Variants in SCAPER observed in about 807,000 individuals in gnomAD.
The protein encoded by SCAPER is S phase cyclin A-associated protein in the endoplasmic reticulum.
A neutral mutation model predicts 182.2 loss-of-function variants in SCAPER; 98 were observed. That is an observed-to-expected ratio of 0.54 (90% confidence interval 0.46 to 0.64). SCAPER has a LOEUF of 0.64. SCAPER is among the 30% of genes least tolerant of loss of function. The pLI is 0.00. For synonymous variants in SCAPER, 605 were observed against 564.6 expected (o/e 1.07, Z -1.01); for missense variants, 1,432 against 1,690.0 (o/e 0.85, Z 2.68).
At chr15:76,615,745 G>A (rs1351185069) in intron 22 of SCAPER, among the ~76,000 whole-genome samples, 2 of 151,238 alleles carry the variant, frequency 1.3e-5, no homozygotes, top group African/African-American at 4.9e-5. Context: ...ACTTGAACCC[G>A]GGAGCTGGAG....
At chr15:76,595,870 T>A (rs2049456548) in intron 22 of SCAPER, among the ~76,000 whole-genome samples, 1 of 121,682 alleles carries the variant, frequency 8.2e-6, no homozygotes, top group African/African-American at 2.5e-5. Context: ...AGGAAAGATC[T>A]AAAATCAACA....
intron 25 of SCAPER, 102 bp from the exon 26 acceptor site, chr15:76,434,412 C>A (rs1421679733): frequency 7.0e-6 from 6 of 856,402 alleles, no homozygotes; most frequent in Non-Finnish European, 8.9e-6. Flanking sequence ...TTTTGACAAT[C>A]TAAAATGTTC....
At chr15:76,768,616 C>A (rs1346152668) in intron 10 of SCAPER, among the ~76,000 whole-genome samples, 3 of 151,818 alleles carry the variant, frequency 2.0e-5, no homozygotes, top group African/African-American at 7.3e-5. Flanking sequence ...GGAGAATATA[C>A]TAAAAAACAA....
chr15:76,636,519 A>G (rs1249515073), intron 21 of SCAPER, among the ~76,000 whole-genome samples: 1 of 152,132 alleles, frequency 6.6e-6, no homozygotes, highest in East Asian at 1.9e-4. Context: ...TGAGTTAGGT[A>G]AAAATAAAAA....
chr15:76,452,953 A>G (rs1363764496), intron 25 of SCAPER, among the ~76,000 whole-genome samples: 2 of 152,014 alleles, frequency 1.3e-5, no homozygotes, highest in Non-Finnish European at 2.9e-5. Flanking sequence ...ACTTCAGCCC[A>G]GTGAGTGGCT....
At chr15:76,697,427 A>G (rs939467596) in intron 20 of SCAPER, among the ~76,000 whole-genome samples, 8 of 152,202 alleles carry the variant, frequency 5.3e-5, no homozygotes, top group African/African-American at 1.4e-4. Flanking sequence ...ATGGCTAAAC[A>G]TAAGACTGCT....
At chr15:76,844,355 C>T (rs766960209) in intron 4 of SCAPER, among the ~76,000 whole-genome samples, 21 of 150,628 alleles carry the variant, frequency 1.4e-4, no homozygotes, top group African/African-American at 2.2e-4. Context: ...AGAGGCTCAT[C>T]GGCTCCCCTG....
At chr15:76,575,247 G>T (rs543794809) in intron 22 of SCAPER, among the ~76,000 whole-genome samples, 1 of 152,116 alleles carries the variant, frequency 6.6e-6, no homozygotes, top group South Asian at 2.1e-4. Context: ...GTGGGGGTGT[G>T]GGGGGAGTCA....
intron 20 of SCAPER, among the ~76,000 whole-genome samples, chr15:76,691,755 T>C (rs1490913420): frequency 2.6e-5 from 4 of 152,154 alleles, no homozygotes; most frequent in Admixed American, 6.5e-5. Flanking sequence ...TCTATTGTTA[T>C]TCTATGAATA....
intron 1 of SCAPER, among the ~76,000 whole-genome samples, chr15:76,884,848 GAAGA>G (rs1022234936): frequency 9.9e-5 from 15 of 152,116 alleles, no homozygotes; most frequent in African/African-American, 3.6e-4. Context: ...CAAAAAAAAG[GAAGA>G]AAGTGCTAAT....
intron 23 of SCAPER, among the ~76,000 whole-genome samples, chr15:76,532,606 T>C (rs1339295086): frequency 6.6e-6 from 1 of 152,176 alleles, no homozygotes. Context: ...TTTCAGAAAG[T>C]AATCTGAGGG....
At chr15:76,655,379 AAT>A (rs2055543222) in intron 21 of SCAPER, among the ~76,000 whole-genome samples, 1 of 152,222 alleles carries the variant, frequency 6.6e-6, no homozygotes, top group African/African-American at 2.4e-5. Context: ...ACCTCTGAGA[AAT>A]ATGGGATTAT....
chr15:76,382,690 A>G (rs1328959034), intron 27 of SCAPER, among the ~76,000 whole-genome samples: 1 of 152,172 alleles, frequency 6.6e-6, no homozygotes, highest in Non-Finnish European at 1.5e-5. Context: ...AAGGGTGCCC[A>G]GGCCTAAGGT....
At chr15:76,836,257 T>C (rs551400037) in intron 5 of SCAPER, among the ~76,000 whole-genome samples, 54 of 152,112 alleles carry the variant, frequency 3.6e-4, no homozygotes, top group Non-Finnish European at 6.0e-4. Context: ...AGAGCCCCAA[T>C]AGCCAAAGCA....
At chr15:76,546,634 C>A (rs201691086) in intron 23 of SCAPER, among the ~76,000 whole-genome samples, 3 of 151,980 alleles carry the variant, frequency 2.0e-5, no homozygotes, top group Admixed American at 6.6e-5. Flanking sequence ...ACTTCTCTCT[C>A]TCTCTCTCCC....
chr15:76,800,185 A>T, intron 7 of SCAPER, 63 bp downstream of exon 7: 1 of 874,780 alleles, frequency 1.1e-6, no homozygotes, highest in Non-Finnish European at 1.8e-6. Context: ...GAATCATAAT[A>T]CTATAATAAC....
intron 22 of SCAPER, among the ~76,000 whole-genome samples, chr15:76,619,031 G>T (rs1820545628): frequency 6.6e-6 from 1 of 152,190 alleles, no homozygotes; most frequent in African/African-American, 2.4e-5. Flanking sequence ...TTTTAGTAAA[G>T]ATGGGGTTCT....
At chr15:76,861,401 T>C (rs868732011) in intron 3 of SCAPER, among the ~76,000 whole-genome samples, 5 of 152,192 alleles carry the variant, frequency 3.3e-5, no homozygotes, top group Non-Finnish European at 5.9e-5. Flanking sequence ...ATCATTTCTA[T>C]AGAATTCCTA....
At chr15:76,635,404 A>C (rs571411988) in intron 21 of SCAPER, among the ~76,000 whole-genome samples, 2 of 152,376 alleles carry the variant, frequency 1.3e-5, no homozygotes, top group Admixed American at 1.3e-4. Flanking sequence ...TGGAAATTCA[A>C]CATAGACAGT....
Sources: gnomAD v4.1 joint callset for allele counts (sites outside exome capture counted in the v4.1 genomes callset) on GRCh38, gnomAD v4.1.1 for gene constraint, MANE v1.5 for transcripts, NCBI Gene and HGNC (gene_info 2026-07-23, HGNC 2026-07-21) for gene names.